The following SLC13A3 variants were observed in gnomAD, a reference collection of about 807,000 sequenced individuals.
SLC13A3 encodes the protein Na(+)/dicarboxylate cotransporter 3.
Under a neutral mutation model 59.0 loss-of-function variants are expected in SLC13A3, and 40 were observed. That is an observed-to-expected ratio of 0.68 (90% CI 0.53 to 0.88). The LOEUF is 0.88. Among genes scored for constraint, SLC13A3 ranks in the 40% least tolerant of loss-of-function variants. The pLI, the probability that SLC13A3 is intolerant of heterozygous loss-of-function variation, is 0.00. For synonymous variants in SLC13A3, 317 were observed against 330.3 expected, an observed-to-expected ratio of 0.96 and a Z score of 0.44; for missense variants, 699 against 783.2, an observed-to-expected ratio of 0.89 and a Z score of 1.28.
chr20:46,579,122 T>C (rs545504538), intron 9 of SLC13A3, among the ~76,000 whole-genome samples: 2 of 152,060 alleles, frequency 1.3e-5, no homozygotes, highest in South Asian at 4.2e-4. Flanking sequence ...TCTCTTTGTC[T>C]CTCTCTCCCC....
chr20:46,640,921 A>T (rs2062841119), intron 1 of SLC13A3, among the ~76,000 whole-genome samples: 1 of 152,170 alleles, frequency 6.6e-6, no homozygotes, highest in Admixed American at 6.5e-5. Context: ...AAGTCACGCC[A>T]GCCTGTTTAC....
chr20:46,574,914 C>T (rs2062060459), intron 10 of SLC13A3, among the ~76,000 whole-genome samples: 1 of 149,820 alleles, frequency 6.7e-6, no homozygotes, highest in South Asian at 2.1e-4. Flanking sequence ...CATGACTCCA[C>T]TGTACTCCAG....
intron 9 of SLC13A3, chr20:46,583,124 G>A: frequency 2.1e-6 from 2 of 966,226 alleles, no homozygotes. Context: ...TTTTGCTTTT[G>A]TGGGCCAAGA....
intron 3 of SLC13A3, among the ~76,000 whole-genome samples, chr20:46,601,224 A>G (rs917085279): frequency 5.3e-5 from 8 of 152,208 alleles, no homozygotes; most frequent in African/African-American, 1.9e-4. Context: ...ACATTTTATA[A>G]ACAACTCTGG....
rs1251567776 is a variant in SLC13A3 at position 46,557,830 on chromosome 20, C to T, written c.*2192G>A. Reference sequence around the variant, plus strand: ...ACAATGAACCAGAACATGACAGGTTCCCAATAAATGTTTATTGAATGAATA... The same window carrying T: ...ACAATGAACCAGAACATGACAGGTTTCCAATAAATGTTTATTGAATGAATA... On this transcript the variant is annotated 3_prime_UTR_variant, in exon 13 of 13. Transcript: ENST00000279027. 1 of 152,138 alleles carries T rather than the reference C, an allele frequency of 6.6e-6. No individual in the cohort carries two copies. Among genetic ancestry groups the T allele is most frequent in the Non-Finnish European group, 1.5e-5 (1 of 68,040 alleles). The allele number at this position is 152,138 out of a possible 1,614,324, so 9.4% of individuals were successfully genotyped here.
upstream of SLC13A3, among the ~76,000 whole-genome samples, chr20:46,652,460 C>G (rs1383553041): frequency 6.6e-6 from 1 of 151,360 alleles, no homozygotes; most frequent in Non-Finnish European, 1.5e-5. Context: ...GTGGAGCGAT[C>G]TCGGATCACT....
At position 46,559,698 on chromosome 20, in the gene SLC13A3, C is replaced by T. The variant is rs7265968; in HGVS notation, c.*324G>A. ...TGAATGGCCTCCTATCCCAACTGTA[C>T]GAGACAAACACCATGCCAGATTTGC... On this transcript the variant is annotated 3_prime_UTR_variant, in exon 13 of 13. Transcript: ENST00000279027. 207 of 245,780 alleles carry T rather than the reference C, an allele frequency of 8.4e-4. No homozygotes were observed. Among genetic ancestry groups the T allele is most frequent in the African/African-American group, 4.0e-3 (182 of 45,256 alleles). The allele number at this position is 245,780 out of a possible 1,614,324, so 15.2% of individuals were successfully genotyped here.
At chr20:46,639,249 G>A (rs1164539032) in intron 1 of SLC13A3, among the ~76,000 whole-genome samples, 1 of 152,086 alleles carries the variant, frequency 6.6e-6, no homozygotes, top group East Asian at 1.9e-4. Context: ...ATCACCTGAG[G>A]TCAAGAGTTC....
intron 12 of SLC13A3, 134 bp downstream of exon 12, chr20:46,563,280 G>T: frequency 2.0e-6 from 2 of 1,022,242 alleles, no homozygotes; most frequent in Non-Finnish European, 2.8e-6. Flanking sequence ...GTATGTTCCT[G>T]GTCCCACTCA....
upstream of SLC13A3, among the ~76,000 whole-genome samples, chr20:46,671,645 C>CAGGGAGA (rs201718480): frequency 6.1e-3 from 921 of 152,164 alleles, 8 homozygotes; most frequent in African/African-American, 0.021. Context: ...GGAAAAGGAA[C>CAGGGAGA]AGGGAGAAGC....
intron 3 of SLC13A3, among the ~76,000 whole-genome samples, chr20:46,608,193 C>T (rs530209164): frequency 1.6e-4 from 24 of 152,164 alleles, no homozygotes; most frequent in Non-Finnish European, 2.8e-4. Context: ...TTTTGTGTGG[C>T]CTGCCAACTA....
At chr20:46,610,322 C>T (rs985566856) in intron 3 of SLC13A3, 124 bp downstream of exon 3, 6 of 874,728 alleles carry the variant, frequency 6.9e-6, no homozygotes, top group South Asian at 1.8e-5. Context: ...AACTAAAACA[C>T]CTGACGCATA....
At chr20:46,613,337 A>AAATAAATG (rs1416690795) in intron 2 of SLC13A3, 123 bp downstream of exon 2, 15 of 709,446 alleles carry the variant, frequency 2.1e-5, no homozygotes, top group East Asian at 1.7e-4. Context: ...ATAAATAAAT[A>AAATAAATG]AATGGTGGGA....
At chr20:46,601,498 T>A (rs2062380123) in intron 3 of SLC13A3, among the ~76,000 whole-genome samples, 1 of 152,190 alleles carries the variant, frequency 6.6e-6, no homozygotes, top group African/African-American at 2.4e-5. Flanking sequence ...GCACCTGTCA[T>A]GTACCTGGTG....
intron 3 of SLC13A3, 141 bp from the exon 4 acceptor site, chr20:46,600,178 G>C (rs561669234): frequency 5.2e-6 from 1 of 192,660 alleles, no homozygotes; most frequent in African/African-American, 2.5e-5. Context: ...AAGACAGAGA[G>C]AGAGAGGAAG....
chr20:46,596,141 G>C lies in SLC13A3; in HGVS notation c.794+16C>G, dbSNP rs1399889693. On this transcript the variant is annotated intron_variant, in intron 5 of 12. Transcript: ENST00000279027. The stretch of plus-strand genomic sequence containing the variant: ...GGAGCAGAACCCTCCCCGCCGGTGG[G>C]GACTCTCGCTTTCACCTCTTGAGCT... The C allele has an allele frequency of 6.2e-7, 1 of 1,609,978 alleles. No homozygotes were observed. Among genetic ancestry groups the C allele is most frequent in the African/African-American group, 1.3e-5 (1 of 74,916 alleles).
chr20:46,632,465 G>GAA (rs754161406), intron 1 of SLC13A3, among the ~76,000 whole-genome samples: 1 of 121,812 alleles, frequency 8.2e-6, no homozygotes, highest in African/African-American at 2.6e-5. Flanking sequence ...CCCCAAGGGG[G>GAA]AAAAAAAAAA....
intron 1 of SLC13A3, among the ~76,000 whole-genome samples, chr20:46,660,471 C>A (rs1459557299): frequency 1.3e-5 from 2 of 151,996 alleles, no homozygotes; most frequent in African/African-American, 4.8e-5. Flanking sequence ...TCATTGATCC[C>A]CTGTAAGTAA....
chr20:46,613,354 G>C (rs1306889344), intron 2 of SLC13A3, 106 bp downstream of exon 2: 1 of 912,446 alleles, frequency 1.1e-6, no homozygotes, highest in Non-Finnish European at 1.5e-6. Flanking sequence ...GGGAACCGAT[G>C]AGTTTCTTGG....
Sources: gnomAD v4.1 joint callset for allele counts (sites outside exome capture counted in the v4.1 genomes callset) on GRCh38, gnomAD v4.1.1 for gene constraint, MANE v1.5 for transcripts, NCBI Gene and HGNC (gene_info 2026-07-23, HGNC 2026-07-21) for gene names.